Variants in KCNJ4 observed in about 807,000 individuals in gnomAD.
KCNJ4 encodes inward rectifier potassium channel 4.
In KCNJ4, 3 loss-of-function variants were observed where a neutral mutation model predicts 25.6. That is an observed-to-expected ratio of 0.12 (90% CI 0.05 to 0.30). The LOEUF (loss-of-function observed/expected upper bound fraction) is 0.30. KCNJ4 is among the 10% of genes least tolerant of loss of function. KCNJ4 has a pLI of 1.00. For synonymous variants in KCNJ4, 257 were observed against 283.9 expected, an observed-to-expected ratio of 0.91 and a Z score of 0.95; for missense variants, 286 against 666.8, an observed-to-expected ratio of 0.43 and a Z score of 6.29.
intron 1 of KCNJ4, among the ~76,000 whole-genome samples, chr22:38,446,482 C>T (rs1202242172): frequency 2.0e-5 from 3 of 152,076 alleles, no homozygotes; most frequent in Non-Finnish European, 4.4e-5. Context: ...GAGGGAGGGC[C>T]GGGGGAGGCT....
At chr22:38,448,415 G>A (rs1252055932) in intron 1 of KCNJ4, among the ~76,000 whole-genome samples, 1 of 152,168 alleles carries the variant, frequency 6.6e-6, no homozygotes, top group East Asian at 1.9e-4. Context: ...GATGGACAGT[G>A]GCCTAGTCAA....
chr22:38,434,793 G>A (rs1219611592), intron 1 of KCNJ4, among the ~76,000 whole-genome samples: 1 of 152,176 alleles, frequency 6.6e-6, no homozygotes, highest in Non-Finnish European at 1.5e-5. Flanking sequence ...AAACCCATAT[G>A]TTTTGGGTGG....
In KCNJ4 at chr22:38,447,187, C is replaced by T. The variant is rs1244777000; in HGVS notation, c.-40+7793G>A. Among the ~76,000 whole-genome samples, 4 of 152,086 alleles carry T rather than the reference C, an allele frequency of 2.6e-5. No homozygotes were observed. In the East Asian group the frequency reaches 7.7e-4, roughly 29 times the overall value. On this transcript the variant is annotated intron_variant, in intron 1 of 1. Coordinates refer to ENST00000303592, the MANE Select transcript of KCNJ4 (RefSeq NM_152868.3). ...GCCACTCCTCCTGTCTTGCTGAGAG[C>T]AGGCTGGGTTTCTCTGCCCCAGAGG...
rs1484934557 is a variant in KCNJ4, at chr22:38,426,758, G to A, written c.*37C>T. On this transcript the variant is annotated 3_prime_UTR_variant, in exon 2 of 2. Transcript: ENST00000303592. ...GTCCTGGCATCCCACCCCCGGCAGA[G>A]GCTCTTGTGGGCAGTGGTGAGGGCC... 6.4e-7 allele frequency: 1 copy of A among 1,567,006 alleles called. No homozygotes were observed. Among genetic ancestry groups the A allele is most frequent in the East Asian group, 2.3e-5 (1 of 44,344 alleles).
intron 1 of KCNJ4, among the ~76,000 whole-genome samples, chr22:38,431,280 G>A (rs1287103581): frequency 6.6e-6 from 1 of 152,160 alleles, no homozygotes; most frequent in Non-Finnish European, 1.5e-5. Flanking sequence ...GGGGCCTTGG[G>A]GGTAAGGGAG....
At position 38,443,044 on chromosome 22, in the gene KCNJ4, C is replaced by T. The variant is rs531249380; in HGVS notation, c.-40+11936G>A. ...CCACCGTGCCCGGCCTGCAGCCCTT[C>T]TTGAAGGGCATGACTTACTCTCCAC... On this transcript the variant is annotated intron_variant, in intron 1 of 1. Transcript: ENST00000303592. The surrounding 1 kb of genome is among the most constrained non-coding windows in gnomAD (Gnocchi z 4.1). Among the ~76,000 whole-genome samples the T allele has an allele frequency of 6.4e-4, 98 of 152,278 alleles. No individual in the cohort carries two copies. The highest frequency in any genetic ancestry group is 2.1e-3 in the South Asian group (10 of 4,822).
chr22:38,448,607 C>T (rs1219544918), intron 1 of KCNJ4, among the ~76,000 whole-genome samples: 1 of 152,188 alleles, frequency 6.6e-6, no homozygotes, highest in Non-Finnish European at 1.5e-5. Flanking sequence ...GACCCCACAG[C>T]TCTGGGGAGT....
chr22:38,437,438 C>T (rs1424615095), intron 1 of KCNJ4, among the ~76,000 whole-genome samples: 2 of 152,204 alleles, frequency 1.3e-5, no homozygotes, highest in Non-Finnish European at 2.9e-5. Flanking sequence ...TTCTCTTTTC[C>T]AGAACAACCG....
intron 1 of KCNJ4, among the ~76,000 whole-genome samples, chr22:38,453,325 A>C (rs2089420878): frequency 6.6e-6 from 1 of 152,006 alleles, no homozygotes; most frequent in Non-Finnish European, 1.5e-5. Context: ...CACCCACCCA[A>C]GGTCACCCAG....
At chr22:38,448,599 C>T (rs1280469789) in intron 1 of KCNJ4, among the ~76,000 whole-genome samples, 1 of 152,196 alleles carries the variant, frequency 6.6e-6, no homozygotes, top group Non-Finnish European at 1.5e-5. Flanking sequence ...CTCCCACAGA[C>T]CCCACAGCTC....
In KCNJ4 at chr22:38,449,781, T is replaced by C. The variant is rs2089398953; in HGVS notation, c.-40+5199A>G. ...GAGCCTCAGTTTCCCCTTCTGTAAA[T>C]GAGAATCATCTATGTCCAAAGTCTT... On this transcript the variant is annotated intron_variant, in intron 1 of 1. Transcript: ENST00000303592. This position sits in a 1 kb window ranked among gnomAD's most constrained non-coding sequence, Gnocchi z 5.2. 6.6e-6 allele frequency among the ~76,000 whole-genome samples: 1 copy of C among 152,238 alleles called. No individual in the cohort carries two copies. Among genetic ancestry groups the C allele is most frequent in the African/African-American group, 2.4e-5 (1 of 41,464 alleles).
In KCNJ4 at chr22:38,453,389, A is replaced by G. The variant is rs192211779; in HGVS notation, c.-40+1591T>C. On this transcript the variant is annotated intron_variant, in intron 1 of 1. Coordinates refer to ENST00000303592, the MANE Select transcript of KCNJ4 (RefSeq NM_152868.3). ...CAGCCACTCCAGAGGATTTTCTGAG[A>G]GAAGAGCTTTCTTTTCAAGGATAAC... Among the ~76,000 whole-genome samples the G allele has an allele frequency of 3.8e-3, 571 of 152,246 alleles. 2 individuals carry two copies. The highest frequency in any genetic ancestry group is 0.014 in the Middle Eastern group (4 of 294).
At chr22:38,454,737 C>G (rs1238538335) in intron 1 of KCNJ4, among the ~76,000 whole-genome samples, 1 of 152,124 alleles carries the variant, frequency 6.6e-6, no homozygotes, top group Admixed American at 6.5e-5. Flanking sequence ...ACCTCTCTCC[C>G]CCTTTCCAGG....
rs1234137721 is a variant in KCNJ4, at chr22:38,443,774, T to C, written c.-40+11206A>G. Among the ~76,000 whole-genome samples, 2 of 151,980 alleles carry C rather than the reference T, an allele frequency of 1.3e-5. No individual in the cohort carries two copies. Among genetic ancestry groups the C allele is most frequent in the Non-Finnish European group, 2.9e-5 (2 of 67,968 alleles). On this transcript the variant is annotated intron_variant, in intron 1 of 1. Coordinates refer to ENST00000303592, the MANE Select transcript of KCNJ4 (RefSeq NM_152868.3). This position sits in a 1 kb window ranked among gnomAD's most constrained non-coding sequence, Gnocchi z 4.1. Reference sequence around the variant, plus strand: ...CACATCACTATTGCAGCCCACAGTCTCTGCCCACCACCTCCTCCCACAGCC... The same window carrying C: ...CACATCACTATTGCAGCCCACAGTCCCTGCCCACCACCTCCTCCCACAGCC...
At position 38,426,536 on chromosome 22, in the gene KCNJ4, G is replaced by T; in HGVS notation, c.*259C>A. On this transcript the variant is annotated 3_prime_UTR_variant, in exon 2 of 2. Coordinates refer to ENST00000303592, the MANE Select transcript of KCNJ4 (RefSeq NM_152868.3). ...GGGCACGTCCTTGAAGAGTCAGTGG[G>T]GGAAGGGTGGTGGATCCGGGGACCT... 1 of 475,126 alleles carries T rather than the reference G, an allele frequency of 2.1e-6. No individual in the cohort carries two copies. The highest frequency in any genetic ancestry group is 3.7e-6 in the Non-Finnish European group (1 of 268,396). The allele number at this position is 475,126 out of a possible 1,614,324, so 29.4% of individuals were successfully genotyped here.
At position 38,443,966 on chromosome 22, in the gene KCNJ4, C is replaced by T. The variant is rs1025319025; in HGVS notation, c.-40+11014G>A. On this transcript the variant is annotated intron_variant, in intron 1 of 1. Coordinates refer to ENST00000303592, the MANE Select transcript of KCNJ4 (RefSeq NM_152868.3). The surrounding 1 kb of genome is among the most constrained non-coding windows in gnomAD (Gnocchi z 4.1). ...GAGACCTTCCTTCCCGTCCCTTTAA[C>T]GCACCAAGTTTATTCCTGTCTCTGG... Among the ~76,000 whole-genome samples the T allele has an allele frequency of 2.0e-5, 3 of 152,164 alleles. No individual in the cohort carries two copies. The highest frequency in any genetic ancestry group is 4.8e-5 in the African/African-American group (2 of 41,438).
intron 1 of KCNJ4, among the ~76,000 whole-genome samples, chr22:38,434,053 C>G (rs1300908404): frequency 6.6e-6 from 1 of 152,118 alleles, no homozygotes; most frequent in African/African-American, 2.4e-5. Flanking sequence ...CCAGAGACAC[C>G]ATGGCCACTG....
intron 1 of KCNJ4, 60 bp downstream of exon 1, chr22:38,454,916 CACAG>C (rs2089431403): frequency 1.3e-5 from 2 of 151,708 alleles, no homozygotes; most frequent in Admixed American, 1.3e-4. Context: ...GCCCGGGACA[CACAG>C]ACACGCACGC....
chr22:38,438,137 G>A (rs528890116), intron 1 of KCNJ4, among the ~76,000 whole-genome samples: 1 of 151,634 alleles, frequency 6.6e-6, no homozygotes, highest in Admixed American at 6.6e-5. Context: ...TACTAGGGAG[G>A]CTGAGGCAGG....
Sources: gnomAD v4.1 joint callset for allele counts (sites outside exome capture counted in the v4.1 genomes callset) on GRCh38, gnomAD v4.1.1 for gene constraint, Gnocchi (gnomAD v3.1) non-coding constraint, MANE v1.5 for transcripts, NCBI Gene and HGNC (gene_info 2026-07-23, HGNC 2026-07-21) for gene names.